The following E2F3 variants were observed in gnomAD, a reference collection of about 807,000 sequenced individuals.
The protein encoded by E2F3 is E2F transcription factor 3.
E2F3 carries 11 observed loss-of-function variants against 44.4 expected under a neutral mutation model. The ratio of observed to expected loss-of-function variants is 0.25; its 90% CI spans 0.16 to 0.41. The LOEUF (loss-of-function observed/expected upper bound fraction) is 0.41. Ranked by LOEUF, E2F3 falls within the 10% of genes least tolerant of loss-of-function variation. E2F3 has a pLI of 1.00. For synonymous variants in E2F3, 249 were observed against 253.0 expected (o/e 0.98, Z 0.15); for missense variants, 487 against 583.6 (o/e 0.83, Z 1.70).
At chr6:20,430,606 G>A (rs1443383954) in intron 1 of E2F3, among the ~76,000 whole-genome samples, 15 of 152,174 alleles carry the variant, frequency 9.9e-5, no homozygotes, top group Admixed American at 7.9e-4. Flanking sequence ...CTCAATTCCA[G>A]AGGGGAAACT....
chr6:20,422,965 T>G lies in E2F3; in HGVS notation c.393+20340T>G, dbSNP rs114318000. 4.9e-3 allele frequency among the ~76,000 whole-genome samples: 751 copies of G among 152,328 alleles called. 7 individuals carry two copies. The highest frequency in any genetic ancestry group is 0.017 in the African/African-American group (717 of 41,582). ...TGTTGGAAAAATGGTGCTGATAGAC[T>G]AGCTTGATGCAGGGTTGTCACAAAC... On this transcript the variant is annotated intron_variant, in intron 1 of 6. Coordinates refer to ENST00000346618, the MANE Select transcript of E2F3 (RefSeq NM_001949.5).
intron 2 of E2F3, 112 bp downstream of exon 2, chr6:20,480,069 T>G (rs1024986212): frequency 1.4e-6 from 2 of 1,445,842 alleles, no homozygotes; most frequent in African/African-American, 2.9e-5. Flanking sequence ...TGTTTTGTTC[T>G]TTTTCATTTC....
chr6:20,437,681 G>A (rs1180729964), intron 1 of E2F3: 1 of 152,206 alleles, frequency 6.6e-6, no homozygotes, highest in African/African-American at 2.4e-5. Flanking sequence ...GTAATATCCA[G>A]AGGATGAAGA....
intron 1 of E2F3, among the ~76,000 whole-genome samples, chr6:20,463,103 G>A (rs1761579499): frequency 6.6e-6 from 1 of 151,520 alleles, no homozygotes; most frequent in African/African-American, 2.4e-5. Context: ...TTTTATTTTG[G>A]TAGAGACCGG....
chr6:20,452,692 G>A (rs1259023137), intron 1 of E2F3, among the ~76,000 whole-genome samples: 1 of 152,180 alleles, frequency 6.6e-6, no homozygotes, highest in Non-Finnish European at 1.5e-5. Flanking sequence ...GCTCACACCT[G>A]TAATCCCAGC....
chr6:20,453,796 A>G (rs1416429738), intron 1 of E2F3, among the ~76,000 whole-genome samples: 1 of 152,232 alleles, frequency 6.6e-6, no homozygotes, highest in African/African-American at 2.4e-5. Context: ...TGCCACCATT[A>G]TAAAGTAAAT....
chr6:20,470,106 C>A (rs1761841427), intron 1 of E2F3, among the ~76,000 whole-genome samples: 1 of 152,174 alleles, frequency 6.6e-6, no homozygotes, highest in Non-Finnish European at 1.5e-5. Flanking sequence ...TTGGACAGCC[C>A]ATTCAACTCC....
chr6:20,470,626 T>C (rs143645108), intron 1 of E2F3, among the ~76,000 whole-genome samples: 162 of 152,366 alleles, frequency 1.1e-3, no homozygotes, highest in African/African-American at 3.7e-3. Flanking sequence ...TCTTCCTTTG[T>C]TCAAAATACC....
rs1387240542 is a variant in E2F3 at position 20,460,967 on chromosome 6, G to A, written c.394-18879G>A. On this transcript the variant is annotated intron_variant, in intron 1 of 6. Transcript: ENST00000346618. Reference sequence around the variant, plus strand: ...GCCGAGATCACACCACTACACTCTAGCCTGGGAGACAGAGCAAGACTCTAT... The same window carrying A: ...GCCGAGATCACACCACTACACTCTAACCTGGGAGACAGAGCAAGACTCTAT... Among the ~76,000 whole-genome samples, 5 of 113,914 alleles carry A rather than the reference G, an allele frequency of 4.4e-5. No homozygotes were observed. In the East Asian group the frequency reaches 1.2e-3, roughly 27 times the overall value. The allele number at this position is 113,914 out of a possible 152,430, so 74.7% of individuals were successfully genotyped here.
chr6:20,449,894 A>G (rs1196424661), intron 1 of E2F3, among the ~76,000 whole-genome samples: 1 of 152,136 alleles, frequency 6.6e-6, no homozygotes, highest in Non-Finnish European at 1.5e-5. Context: ...TTCCTGTGTT[A>G]GTTTGCTAAG....
At chr6:20,450,944 G>A (rs1761110372) in intron 1 of E2F3, among the ~76,000 whole-genome samples, 1 of 152,126 alleles carries the variant, frequency 6.6e-6, no homozygotes, top group South Asian at 2.1e-4. Context: ...TTGTAGGTGT[G>A]CGGCCTTACT....
intron 1 of E2F3, among the ~76,000 whole-genome samples, chr6:20,406,755 T>C (rs1389134493): frequency 6.6e-6 from 1 of 152,152 alleles, no homozygotes; most frequent in Non-Finnish European, 1.5e-5. Flanking sequence ...TTGGGTGCAG[T>C]TTATGCTTAG....
At chr6:20,489,826 C>G (rs933065592) in intron 6 of E2F3, among the ~76,000 whole-genome samples, 22 of 151,998 alleles carry the variant, frequency 1.4e-4, no homozygotes, top group African/African-American at 5.3e-4. Flanking sequence ...AAAGATTAAC[C>G]AGGCATGGTG....
chr6:20,479,797 G>T lies in E2F3; in HGVS notation c.394-49G>T, dbSNP rs755163814. 3.9e-6 allele frequency: 6 copies of T among 1,536,106 alleles called. No individual in the cohort carries two copies. The East Asian group carries it at 1.4e-4, about 36-fold the overall frequency. On this transcript the variant is annotated intron_variant, in intron 1 of 6. Coordinates refer to ENST00000346618, the MANE Select transcript of E2F3 (RefSeq NM_001949.5). ...CAGCCCACAAACTGCCTCCCTTCTTGTTCTTGTCCATATGACCGGTGACGA... is the reference window on the plus strand; with the variant it reads ...CAGCCCACAAACTGCCTCCCTTCTTTTTCTTGTCCATATGACCGGTGACGA...
In E2F3 at chr6:20,450,120, C is replaced by T. The variant is rs193043915; in HGVS notation, c.394-29726C>T. Among the ~76,000 whole-genome samples, 277 of 152,190 alleles carry T rather than the reference C, an allele frequency of 1.8e-3. 1 individual carries two copies. Among genetic ancestry groups the T allele is most frequent in the African/African-American group, 6.1e-3 (255 of 41,534 alleles). On this transcript the variant is annotated intron_variant, in intron 1 of 6. Transcript: ENST00000346618. ...TCTTCATAACAGAACAATTTATATT[C>T]CTTTGAGTATATACCCAGAAATGGG...
At chr6:20,459,926 C>A (rs187972248) in intron 1 of E2F3, among the ~76,000 whole-genome samples, 14 of 152,300 alleles carry the variant, frequency 9.2e-5, no homozygotes, top group Non-Finnish European at 1.9e-4. Context: ...CAGAGCAAGA[C>A]CCTGTCTCAA....
chr6:20,455,895 C>T (rs1048063459), intron 1 of E2F3, among the ~76,000 whole-genome samples: 2 of 152,064 alleles, frequency 1.3e-5, no homozygotes, highest in African/African-American at 2.4e-5. Context: ...TGAGGTTTGC[C>T]GTGGCCACAC....
At chr6:20,408,136 A>G (rs1039045854) in intron 1 of E2F3, among the ~76,000 whole-genome samples, 4 of 152,238 alleles carry the variant, frequency 2.6e-5, no homozygotes, top group African/African-American at 9.7e-5. Flanking sequence ...ATCATTGTTC[A>G]TGGGACTTAA....
intron 1 of E2F3, among the ~76,000 whole-genome samples, chr6:20,444,399 G>C (rs1030724970): frequency 3.3e-5 from 5 of 152,060 alleles, no homozygotes; most frequent in African/African-American, 1.2e-4. Context: ...TCAAATCTTT[G>C]AATTCCATTT....
Sources: allele counts gnomAD v4.1 joint callset (sites outside exome capture counted in the v4.1 genomes callset), GRCh38; gene constraint gnomAD v4.1.1; transcripts MANE v1.5; gene names NCBI Gene and HGNC (gene_info 2026-07-23, HGNC 2026-07-21).